SHOC1: variants seen among roughly 807,000 people sequenced by gnomAD.
SHOC1 encodes the protein shortage in chiasmata 1, also known as protein shortage in chiasmata 1 ortholog.
A neutral mutation model predicts 179.2 loss-of-function variants in SHOC1; 136 were observed. The ratio of observed to expected loss-of-function variants is 0.76; its 90% CI spans 0.66 to 0.87. SHOC1 has a LOEUF of 0.87. Ranked by LOEUF, SHOC1 falls within the 40% of genes least tolerant of loss-of-function variation. SHOC1 has a pLI of 0.00. For missense variants in SHOC1, 1,538 were observed against 1,700.8 expected (o/e 0.90, Z 1.68); for synonymous variants, 489 against 586.6 (o/e 0.83, Z 2.41).
rs1310667088 is a variant in SHOC1, at chr9:111,735,445, T to C, written c.1417+2835A>G. 2.0e-5 allele frequency among the ~76,000 whole-genome samples: 3 copies of C among 152,308 alleles called. No individual in the cohort carries two copies. In the South Asian group the frequency reaches 6.2e-4, roughly 32 times the overall value. On this transcript the variant is annotated intron_variant, in intron 12 of 27. Transcript: ENST00000682961. ...TGAGAATATGTGATGTTTGATTTTC[T>C]GTTCCTGTGTTAGTTTGCTGAGAAT...
intron 17 of SHOC1, among the ~76,000 whole-genome samples, chr9:111,713,379 T>C (rs940986397): frequency 6.6e-6 from 1 of 152,172 alleles, no homozygotes; most frequent in Non-Finnish European, 1.5e-5. Flanking sequence ...AGAAAATATT[T>C]TGGGATAGGG....
intron 9 of SHOC1, among the ~76,000 whole-genome samples, chr9:111,746,652 G>C (rs1834301353): frequency 6.6e-6 from 1 of 152,100 alleles, no homozygotes; most frequent in Non-Finnish European, 1.5e-5. Context: ...CTGGGCAACA[G>C]AGCAAGCCTT....
chr9:111,791,606 T>C (rs1279276307), intron 1 of SHOC1, among the ~76,000 whole-genome samples, 152 bp from the exon 2 acceptor site: 1 of 152,212 alleles, frequency 6.6e-6, no homozygotes, highest in Admixed American at 6.5e-5. Flanking sequence ...ATTTTAAATC[T>C]AATATGAAAA....
At chr9:111,742,586 T>C (rs766418302) in intron 10 of SHOC1, among the ~76,000 whole-genome samples, 3 of 152,182 alleles carry the variant, frequency 2.0e-5, no homozygotes, top group Non-Finnish European at 4.4e-5. Context: ...AGACTATTAA[T>C]TCATAAACCC....
Position 111,758,169 on chromosome 9 carries a change from A to G in SHOC1, c.623T>C (p.Leu208Ser). 1.3e-6 allele frequency: 2 copies of G among 1,582,700 alleles called. No individual in the cohort carries two copies. The highest frequency in any genetic ancestry group is 1.2e-5 in the South Asian group (1 of 83,416). ...AAAATCTTCTTTCACAAAAGCTTCC[A>G]AAGTTTCTTGAAGAGAGAAACATTC... ...SRECFSLQETLEAFVKEDFCM... is the reference protein window; with the variant it reads ...SRECFSLQETSEAFVKEDFCM... The change falls in exon 7 of 28, where the codon TTG becomes TCG. Residue 208 changes from leucine (L) to serine (S), a missense_variant. Leu to Ser is a moderately radical substitution (Grantham distance 145). Transcript: ENST00000682961.
Position 111,778,935 on chromosome 9 carries a change from C to T in SHOC1, c.257+1995G>A, listed in dbSNP as rs181183468. Among the ~76,000 whole-genome samples, 8 of 151,916 alleles carry T rather than the reference C, an allele frequency of 5.3e-5. No individual in the cohort carries two copies. The East Asian group carries it at 5.8e-4, about 11-fold the overall frequency. On this transcript the variant is annotated intron_variant, in intron 4 of 27. Coordinates refer to ENST00000682961, the MANE Select transcript of SHOC1 (RefSeq NM_001378211.1). ...CCAACATGGTGAAACTCCATCTCTA[C>T]TAAAAATACAAAAATTATCTAGATG... is the stretch of plus-strand genomic sequence containing the variant.
intron 4 of SHOC1, among the ~76,000 whole-genome samples, chr9:111,780,669 A>G (rs532600534): frequency 6.0e-4 from 91 of 152,310 alleles, no homozygotes; most frequent in African/African-American, 2.1e-3. Flanking sequence ...TAATTTTAAT[A>G]TAAAGGACTT....
chr9:111,744,643 G>C (rs1359485710), intron 10 of SHOC1, among the ~76,000 whole-genome samples: 1 of 152,126 alleles, frequency 6.6e-6, no homozygotes, highest in African/African-American at 2.4e-5. Context: ...TCCAGTCCTG[G>C]AATAATTCAT....
chr9:111,759,013 G>T, intron 5 of SHOC1, 165 bp from the exon 6 acceptor site: 1 of 1,007,858 alleles, frequency 9.9e-7, no homozygotes, highest in Non-Finnish European at 1.4e-6. Flanking sequence ...ATGTAGCATA[G>T]TTCTGGAACA....
At chr9:111,697,159 G>C (rs1351493383) in intron 24 of SHOC1, among the ~76,000 whole-genome samples, 1 of 151,196 alleles carries the variant, frequency 6.6e-6, no homozygotes, top group Admixed American at 6.6e-5. Flanking sequence ...CATCCTGAGA[G>C]AGTAGGATTG....
chr9:111,736,441 G>A (rs1833815176), intron 12 of SHOC1, among the ~76,000 whole-genome samples: 1 of 152,000 alleles, frequency 6.6e-6, no homozygotes, highest in Non-Finnish European at 1.5e-5. Flanking sequence ...CTTCAACAAA[G>A]CCAACAAAAA....
chr9:111,763,372 C>G, intron 5 of SHOC1, among the ~76,000 whole-genome samples: 1 of 151,816 alleles, frequency 6.6e-6, no homozygotes, highest in East Asian at 1.9e-4. Flanking sequence ...ACAAAGCACA[C>G]GCCATTGTGA....
At position 111,722,596 on chromosome 9, in the gene SHOC1, A is replaced by G. The variant is rs1410867021; in HGVS notation, c.1955-11T>C. On this transcript the variant is annotated splice_polypyrimidine_tract_variant and intron_variant, in intron 14 of 27. Transcript: ENST00000682961. ...CTTGGCACTGGCTATCTGCAAAAAT[A>G]AAAGCATTAATGGCAGTGTTTTAAT... 1 of 1,588,480 alleles carries G rather than the reference A, an allele frequency of 6.3e-7. No homozygotes were observed. The highest frequency in any genetic ancestry group is 8.5e-7 in the Non-Finnish European group (1 of 1,174,274).
At chr9:111,725,514 G>T (rs539585630) in intron 13 of SHOC1, among the ~76,000 whole-genome samples, 1 of 152,306 alleles carries the variant, frequency 6.6e-6, no homozygotes, top group East Asian at 1.9e-4. Context: ...GTCCAGGGAG[G>T]GCGGGGGAGG....
rs1834476449 is a variant in SHOC1 at position 111,749,682 on chromosome 9, C to A, written c.863-1483G>T. Reference sequence around the variant, plus strand: ...TGATGCTCTTCCTCCCCCTACATCACCCCCGATAAGCCCTAGTGTGTGTTG... The same window carrying A: ...TGATGCTCTTCCTCCCCCTACATCAACCCCGATAAGCCCTAGTGTGTGTTG... On this transcript the variant is annotated intron_variant, in intron 8 of 27. Transcript: ENST00000682961. Among the ~76,000 whole-genome samples the A allele has an allele frequency of 2.6e-5, 4 of 152,230 alleles. No homozygotes were observed. In the South Asian group the frequency reaches 8.3e-4, roughly 32 times the overall value.
chr9:111,745,029 C>T (rs956686541), intron 10 of SHOC1, among the ~76,000 whole-genome samples: 29 of 152,134 alleles, frequency 1.9e-4, no homozygotes, highest in African/African-American at 5.6e-4. Flanking sequence ...AACAAGTTTA[C>T]GAATCAAGCC....
chr9:111,691,534 C>T lies in SHOC1; in HGVS notation c.4426+17G>A. The T allele has an allele frequency of 6.4e-7, 1 of 1,572,210 alleles. No homozygotes were observed. Among genetic ancestry groups the T allele is most frequent in the South Asian group, 1.2e-5 (1 of 84,488 alleles). ...TTAAATTTGAGAGTAGTTTTATCAA[C>T]TATTGGATAGTGTTACCTGTTAATG... is the stretch of plus-strand genomic sequence containing the variant. On this transcript the variant is annotated intron_variant, in intron 27 of 27. Coordinates refer to ENST00000682961, the MANE Select transcript of SHOC1 (RefSeq NM_001378211.1).
chr9:111,750,974 T>G (rs1013023483), intron 8 of SHOC1, among the ~76,000 whole-genome samples: 24 of 152,190 alleles, frequency 1.6e-4, no homozygotes, highest in African/African-American at 5.8e-4. Context: ...TTTATAGTTT[T>G]GGGTTTTACA....
Position 111,691,547 on chromosome 9 carries a change from T to C in SHOC1, c.4426+4A>G. On this transcript the variant is annotated splice_donor_region_variant and intron_variant, in intron 27 of 27. Transcript: ENST00000682961. Reference sequence around the variant, plus strand: ...TAGTTTTATCAACTATTGGATAGTGTTACCTGTTAATGATTCCTTGTCTCC... The same window carrying C: ...TAGTTTTATCAACTATTGGATAGTGCTACCTGTTAATGATTCCTTGTCTCC... 6.2e-7 allele frequency: 1 copy of C among 1,608,084 alleles called. No homozygotes were observed. The highest frequency in any genetic ancestry group is 8.5e-7 in the Non-Finnish European group (1 of 1,177,066).
Sources: gnomAD v4.1 joint callset for allele counts (sites outside exome capture counted in the v4.1 genomes callset) on GRCh38, gnomAD v4.1.1 for gene constraint, MANE v1.5 for transcripts, NCBI Gene and HGNC (gene_info 2026-07-23, HGNC 2026-07-21) for gene names.